Variants in MTSS2 observed in about 807,000 individuals in gnomAD.
The protein encoded by MTSS2 is MTSS I-BAR domain containing 2, also known as protein MTSS 2.
A neutral mutation model predicts 67.1 loss-of-function variants in MTSS2; 27 were observed. That is an observed-to-expected ratio of 0.40 (90% CI 0.30 to 0.55). The LOEUF is 0.55. Among genes scored for constraint, MTSS2 ranks in the 20% least tolerant of loss-of-function variants. MTSS2 has a pLI of 0.43. For synonymous variants in MTSS2, 624 were observed against 468.6 expected (o/e 1.33, Z -4.28); for missense variants, 1,171 against 1,067.8 (o/e 1.10, Z -1.35).
chr16:70,663,824 C>CA lies in MTSS2; in HGVS notation c.2096dup (p.Ser700ValfsTer110). 1 of 1,535,942 alleles carries CA rather than the reference C, an allele frequency of 6.5e-7. No homozygotes were observed. Among genetic ancestry groups the CA allele is most frequent in the Non-Finnish European group, 8.7e-7 (1 of 1,144,018 alleles). ...GCGTCTCCTCCGTGGGGGTGGCCGA[C>CA]AGAGCAGTGGGGAAGGGGAACTGGC... On this transcript the variant is annotated frameshift_variant, in exon 15 of 15. Transcript: ENST00000338779. LOFTEE classifies it low-confidence loss of function (END_TRUNC).
rs546265436 is a variant in MTSS2, at chr16:70,661,693, C to T, written c.*1984G>A. The T allele has an allele frequency of 1.6e-4, 40 of 249,086 alleles. 1 individual carries two copies. The South Asian group carries it at 1.7e-3, about 10-fold the overall frequency. 15.4% of individuals were successfully genotyped at this position (249,086 alleles called of 1,614,324 possible). A position where few individuals can be genotyped will look rare whatever the true frequency, so the allele number is the denominator to read the frequency against. On this transcript the variant is annotated 3_prime_UTR_variant, in exon 15 of 15. Coordinates refer to ENST00000338779, the MANE Select transcript of MTSS2 (RefSeq NM_138383.3). ...GGATGGAGTAGAGTATGTACAGCCC[C>T]CGGGGCTCACAGGGGAGGGGGACGG... is the stretch of plus-strand genomic sequence containing the variant.
In MTSS2 at chr16:70,661,584, C is replaced by T; in HGVS notation, c.*2093G>A. ...AAAGTTTGTGATGTGGGATGGTTGGCTCGGATCCCGAGGTGGGTGGGCCTA... is the reference window on the plus strand; with the variant it reads ...AAAGTTTGTGATGTGGGATGGTTGGTTCGGATCCCGAGGTGGGTGGGCCTA... On this transcript the variant is annotated 3_prime_UTR_variant, in exon 15 of 15. Transcript: ENST00000338779. 1 of 351,056 alleles carries T rather than the reference C, an allele frequency of 2.8e-6. No individual in the cohort carries two copies. 21.7% of individuals were successfully genotyped at this position (351,056 alleles called of 1,614,324 possible).
At chr16:70,673,769 TG>T (rs2053018809) in intron 11 of MTSS2, among the ~76,000 whole-genome samples, 2 of 149,796 alleles carry the variant, frequency 1.3e-5, no homozygotes, top group Admixed American at 1.3e-4. Flanking sequence ...TGAGAAGGAG[TG>T]GGTGACAAGT....
At chr16:70,669,018 A>C (rs2052826264) in intron 11 of MTSS2, among the ~76,000 whole-genome samples, 2 of 152,068 alleles carry the variant, frequency 1.3e-5, no homozygotes, top group East Asian at 3.9e-4. Context: ...CACACACACC[A>C]CACACTCAAT....
At chr16:70,672,918 T>G (rs2052991617) in intron 11 of MTSS2, among the ~76,000 whole-genome samples, 1 of 152,124 alleles carries the variant, frequency 6.6e-6, no homozygotes, top group Non-Finnish European at 1.5e-5. Flanking sequence ...CCCAGCACTT[T>G]GGGAGGCTAA....
Position 70,679,830 on chromosome 16 carries a change from T to C in MTSS2, c.338A>G (p.Asp113Gly). 1 of 1,607,616 alleles carries C rather than the reference T, an allele frequency of 6.2e-7. No homozygotes were observed. Among genetic ancestry groups the C allele is most frequent in the South Asian group, 1.1e-5 (1 of 90,966 alleles). ...CAGCTGGTTGGCCGCCTTCTTCCAGTCCTCGATGCGCTCCTGCAGCGGGTT... is the reference window on the plus strand; with the variant it reads ...CAGCTGGTTGGCCGCCTTCTTCCAGCCCTCGATGCGCTCCTGCAGCGGGTT... ...LINPLQERIE[D>G]WKKAANQLDK... Residue 113 changes from aspartate to glycine, a missense_variant, in exon 5 of 15, where the codon GAC becomes GGC. This residue lies in a region of MTSS2 where 247 missense variants were observed against 311.8 expected (regional missense o/e 0.79). Coordinates refer to ENST00000338779, the MANE Select transcript of MTSS2 (RefSeq NM_138383.3).
chr16:70,678,316 C>T lies in MTSS2; in HGVS notation c.560G>A (p.Arg187His), dbSNP rs1597821707. The change falls in exon 8 of 15, where the codon CGC becomes CAC. Residue 187 changes from arginine (R) to histidine (H), a missense_variant. By Grantham distance (29) the Arg-to-His change is conservative. Around this residue, in one of 2 missense-constraint regions of MTSS2, gnomAD observed 247 missense variants for 311.8 expected, o/e 0.79. Coordinates refer to ENST00000338779, the MANE Select transcript of MTSS2 (RefSeq NM_138383.3). Reference protein sequence around the residue: ...LLEETEKQAVRRALIEERGRF... With the variant: ...LLEETEKQAVHRALIEERGRF... Reference sequence around the variant, plus strand: ...GCCCCGCTCCTCGATCAGCGCCCGGCGCACGGCCTGCTTCTCCGTCTCCTC... The same window carrying T: ...GCCCCGCTCCTCGATCAGCGCCCGGTGCACGGCCTGCTTCTCCGTCTCCTC... The T allele has an allele frequency of 1.9e-6, 3 of 1,612,682 alleles. No homozygotes were observed. The highest frequency in any genetic ancestry group is 2.5e-6 in the Non-Finnish European group (3 of 1,179,994).
Position 70,685,777 on chromosome 16 carries a change from C to T in MTSS2, c.15G>A (p.Glu5=). The change falls in exon 1 of 15, where the codon GAG becomes GAA. Residue 5 remains glutamate (E), a synonymous_variant. Transcript: ENST00000338779. META[E]KECGALGGLF... ...GCCCGCCCAGGGCGCCGCACTCCTT[C>T]TCCGCCGTCTCCATGCTCTGGCTGG... 1 of 1,381,090 alleles carries T rather than the reference C, an allele frequency of 7.2e-7. No individual in the cohort carries two copies. Among genetic ancestry groups the T allele is most frequent in the Non-Finnish European group, 9.5e-7 (1 of 1,047,852 alleles). The allele number at this position is 1,381,090 out of a possible 1,614,324, so 85.6% of individuals were successfully genotyped here.
chr16:70,682,265 GGCACA>G (rs1354002954), intron 1 of MTSS2, among the ~76,000 whole-genome samples: 1 of 152,178 alleles, frequency 6.6e-6, no homozygotes, highest in Non-Finnish European at 1.5e-5. Context: ...TTCCCAAATG[GGCACA>G]GCTCAGGGTG....
Position 70,661,471 on chromosome 16 carries a change from G to C in MTSS2, c.*2206C>G, listed in dbSNP as rs1359977128. On this transcript the variant is annotated 3_prime_UTR_variant, in exon 15 of 15. Transcript: ENST00000338779. ...AGGAACGAGTTAACAACAGCACCAG[G>C]AAAGTTACTTCAGTCAAAAGACGCT... The C allele has an allele frequency of 2.8e-5, 10 of 355,952 alleles. No individual in the cohort carries two copies. The highest frequency in any genetic ancestry group is 1.0e-3 in the Middle Eastern group (1 of 1,002). 22.0% of individuals were successfully genotyped at this position (355,952 alleles called of 1,614,324 possible).
intron 11 of MTSS2, among the ~76,000 whole-genome samples, chr16:70,669,205 A>AC (rs948948757): frequency 1.3e-5 from 2 of 152,046 alleles, no homozygotes; most frequent in Non-Finnish European, 1.5e-5. Flanking sequence ...TCATTAAAAG[A>AC]CCCCCATTAA....
intron 10 of MTSS2, among the ~76,000 whole-genome samples, chr16:70,676,661 A>C (rs1265079131): frequency 6.6e-6 from 1 of 152,216 alleles, no homozygotes; most frequent in Non-Finnish European, 1.5e-5. Flanking sequence ...TGAAGCTGCT[A>C]CTGCCCCTGC....
In MTSS2 at chr16:70,663,091, C is replaced by T. The variant is rs1252406652; in HGVS notation, c.*586G>A. ...GGCGTGGGCCCTGGAACTCCCTTCC[C>T]ACACGGGGGGCCTGGCCGCCCAACT... On this transcript the variant is annotated 3_prime_UTR_variant, in exon 15 of 15. Coordinates refer to ENST00000338779, the MANE Select transcript of MTSS2 (RefSeq NM_138383.3). 3.9e-5 allele frequency: 6 copies of T among 153,148 alleles called. No homozygotes were observed. The highest frequency in any genetic ancestry group is 8.7e-5 in the Non-Finnish European group (6 of 68,764). 9.5% of individuals were successfully genotyped at this position (153,148 alleles called of 1,614,324 possible).
Position 70,664,039 on chromosome 16 carries a change from G to C in MTSS2, c.1882C>G (p.Pro628Ala). The change falls in exon 15 of 15, where the codon CCG becomes GCG. Residue 628 changes from proline to alanine, a missense_variant. Pro to Ala is a conservative substitution (Grantham distance 27, BLOSUM62 -1). Coordinates refer to ENST00000338779, the MANE Select transcript of MTSS2 (RefSeq NM_138383.3). The part of the protein sequence containing the change: ...YTDETASPLA[P>A]DLAKASPKRL... Reference sequence around the variant, plus strand: ...TTTGGGGAGGCCTTGGCGAGGTCCGGTGCCAGGGGTGAGGCGGTCTCGTCG... The same window carrying C: ...TTTGGGGAGGCCTTGGCGAGGTCCGCTGCCAGGGGTGAGGCGGTCTCGTCG... 6.2e-7 allele frequency: 1 copy of C among 1,609,336 alleles called. No homozygotes were observed. The highest frequency in any genetic ancestry group is 8.5e-7 in the Non-Finnish European group (1 of 1,178,588).
At position 70,663,922 on chromosome 16, in the gene MTSS2, G is replaced by A. The variant is rs2151904125; in HGVS notation, c.1999C>T (p.Leu667=). 2 of 1,551,860 alleles carry A rather than the reference G, an allele frequency of 1.3e-6. No homozygotes were observed. Among genetic ancestry groups the A allele is most frequent in the Non-Finnish European group, 1.7e-6 (2 of 1,150,770 alleles). Residue 667 remains leucine, a synonymous_variant, in exon 15 of 15, where the codon CTG becomes TTG. Transcript: ENST00000338779. ...GAGAEDEQQQ[L]AANRHSLVEK... is the part of the protein sequence containing the mutation. ...ACCAGGCTGTGCCGGTTGGCCGCCAGCTGCTGCTGCTCGTCCTCGGCCCCT... is the reference window on the plus strand; with the variant it reads ...ACCAGGCTGTGCCGGTTGGCCGCCAACTGCTGCTGCTCGTCCTCGGCCCCT...
chr16:70,676,609 G>A (rs140757191), intron 10 of MTSS2, among the ~76,000 whole-genome samples: 224 of 152,262 alleles, frequency 1.5e-3, no homozygotes, highest in Non-Finnish European at 2.4e-3. Context: ...AATGCATAAA[G>A]CACTTAGCAC....
Position 70,665,497 on chromosome 16 carries a change from T to C in MTSS2, c.1097A>G (p.Gln366Arg), listed in dbSNP as rs979625753. 1.3e-6 allele frequency: 2 copies of C among 1,552,492 alleles called. No individual in the cohort carries two copies. The highest frequency in any genetic ancestry group is 2.4e-5 in the East Asian group (1 of 41,174). ...GGGGGAGCTGCACTCGCTAACGGAC[T>C]GGCAGGTTTCCGAGGCCTCGGAAGA... ...SASSEASETC[Q>R]SVSECSSPTS... is the part of the protein sequence containing the mutation. Residue 366 changes from glutamine to arginine, a missense_variant, in exon 12 of 15, where the codon CAG becomes CGG. By Grantham distance (43) the Gln-to-Arg change is conservative. Coordinates refer to ENST00000338779, the MANE Select transcript of MTSS2 (RefSeq NM_138383.3).
intron 11 of MTSS2, among the ~76,000 whole-genome samples, chr16:70,669,814 C>T (rs1270037103): frequency 1.1e-4 from 9 of 85,182 alleles, no homozygotes; most frequent in Non-Finnish European, 2.0e-4. Flanking sequence ...GAGACTCTGT[C>T]TCATAAAAAA....
intron 10 of MTSS2, 93 bp downstream of exon 10, chr16:70,676,788 T>C: frequency 3.6e-6 from 4 of 1,125,148 alleles, no homozygotes; most frequent in South Asian, 1.3e-5. Context: ...TTTGAGGCCC[T>C]GAAGCAATTT....
Sources: allele counts gnomAD v4.1 joint callset (sites outside exome capture counted in the v4.1 genomes callset), GRCh38; gene constraint gnomAD v4.1.1; regional missense constraint gnomAD v4.1.1; transcripts MANE v1.5; gene names NCBI Gene and HGNC (gene_info 2026-07-23, HGNC 2026-07-21).